The following PDE6G variants were observed in gnomAD, a reference collection of about 807,000 sequenced individuals.
PDE6G encodes the protein phosphodiesterase 6G, also known as rod cGMP 3',5'-cyclic phosphodiesterase subunit gamma.
PDE6G carries 10 observed loss-of-function variants against 10.9 expected under a neutral mutation model. The observed-to-expected ratio is 0.91, with a 90% CI of 0.56 to 1.55. PDE6G has a LOEUF of 1.55. Ranked by LOEUF, PDE6G falls within the 40% of genes most tolerant of loss-of-function variation. The pLI, the probability that PDE6G is intolerant of heterozygous loss-of-function variation, is 0.00. For synonymous variants in PDE6G, 41 were observed against 42.8 expected, an observed-to-expected ratio of 0.96 and a Z score of 0.16; for missense variants, 102 against 110.1, an observed-to-expected ratio of 0.93 and a Z score of 0.33.
intron 1 of PDE6G, among the ~76,000 whole-genome samples, chr17:81,662,103 A>C (rs1482827081): frequency 1.3e-5 from 2 of 152,040 alleles, no homozygotes; most frequent in Non-Finnish European, 2.9e-5. Flanking sequence ...TCCTTTCCTG[A>C]CCAAACCAAT....
chr17:81,654,959 A>G (rs918450082), intron 1 of PDE6G, among the ~76,000 whole-genome samples: 5 of 149,862 alleles, frequency 3.3e-5, no homozygotes, highest in Non-Finnish European at 5.9e-5. Flanking sequence ...GAGTTTCACC[A>G]TGTTAGCCAG....
At chr17:81,654,908 C>T (rs1340004818) in intron 1 of PDE6G, among the ~76,000 whole-genome samples, 2 of 151,918 alleles carry the variant, frequency 1.3e-5, no homozygotes, top group African/African-American at 2.4e-5. Flanking sequence ...ACACCACGCC[C>T]GGCTAATTTA....
At position 81,653,485 on chromosome 17, in the gene PDE6G, G is replaced by A. The variant is rs886867978; in HGVS notation, c.-59-121C>T. On this transcript the variant is annotated intron_variant, in intron 1 of 3. Coordinates refer to ENST00000331056, the MANE Select transcript of PDE6G (RefSeq NM_002602.4). The surrounding 1 kb of genome is among the most constrained non-coding windows in gnomAD (Gnocchi z 5.2). ...CGCCAGCTCCAGCGTCATCCAGACA[G>A]CAGCCCCTGCAATCCGCCCTGGGGT... 1.2e-5 allele frequency: 8 copies of A among 663,532 alleles called. No individual in the cohort carries two copies. Among genetic ancestry groups the A allele is most frequent in the Admixed American group, 1.1e-4 (4 of 36,138 alleles). The allele number at this position is 663,532 out of a possible 1,614,324, so 41.1% of individuals were successfully genotyped here.
intron 2 of PDE6G, among the ~76,000 whole-genome samples, chr17:81,652,002 T>G (rs1206663099): frequency 6.6e-6 from 1 of 152,118 alleles, no homozygotes; most frequent in African/African-American, 2.4e-5. Context: ...GGTCTGAGTG[T>G]AGATTTGTGA....
At position 81,650,974 on chromosome 17, in the gene PDE6G, C is replaced by A; in HGVS notation, c.*100G>T. The A allele has an allele frequency of 1.1e-6, 1 of 869,578 alleles. No homozygotes were observed. Among genetic ancestry groups the A allele is most frequent in the Non-Finnish European group, 2.0e-6 (1 of 509,216 alleles). The allele number at this position is 869,578 out of a possible 1,614,324, so 53.9% of individuals were successfully genotyped here. A position where few individuals can be genotyped will look rare whatever the true frequency, so the allele number is the denominator to read the frequency against. The stretch of plus-strand genomic sequence containing the variant: ...CAGTCCCATCCTGGTGTCCAGGTGC[C>A]ATCTGGGCTAGGGAGGCATCTCCTC... On this transcript the variant is annotated 3_prime_UTR_variant, in exon 4 of 4. Transcript: ENST00000331056.
chr17:81,661,538 G>A (rs897672138), upstream of PDE6G, among the ~76,000 whole-genome samples: 1 of 152,124 alleles, frequency 6.6e-6, no homozygotes, highest in Non-Finnish European at 1.5e-5. Flanking sequence ...CCAATATGGT[G>A]AAACCCCGTC....
intron 1 of PDE6G, among the ~76,000 whole-genome samples, chr17:81,662,412 C>T (rs1454497483): frequency 6.6e-6 from 1 of 152,136 alleles, no homozygotes; most frequent in Non-Finnish European, 1.5e-5. Flanking sequence ...GGCTTGAGGT[C>T]AGGAGTTGGA....
upstream of PDE6G, chr17:81,656,621 T>G (rs771714088): frequency 1.4e-6 from 1 of 720,894 alleles, no homozygotes; most frequent in African/African-American, 1.7e-5. Context: ...CTAATGAGAT[T>G]GTTGGGCCCC....
rs1291400125 is a variant in PDE6G at position 81,650,593 on chromosome 17, AT to A, written c.*480del. The A allele has an allele frequency of 2.2e-6, 1 of 454,360 alleles. No homozygotes were observed. Among genetic ancestry groups the A allele is most frequent in the Admixed American group, 2.3e-5 (1 of 42,568 alleles). The allele number at this position is 454,360 out of a possible 1,614,324, so 28.1% of individuals were successfully genotyped here. ...ACGCCCTGGAGTCCTGCTACCCAGC[AT>A]GTCCAAACTAAGGGCACCCCCCTGG... On this transcript the variant is annotated 3_prime_UTR_variant, in exon 4 of 4. Coordinates refer to ENST00000331056, the MANE Select transcript of PDE6G (RefSeq NM_002602.4).
rs779798594 is a variant in PDE6G, at chr17:81,650,573, C to T, written c.*501G>A. 8.8e-6 allele frequency: 4 copies of T among 454,154 alleles called. No homozygotes were observed. The highest frequency in any genetic ancestry group is 1.8e-5 in the Non-Finnish European group (4 of 226,878). 28.1% of individuals were successfully genotyped at this position (454,154 alleles called of 1,614,324 possible). The stretch of plus-strand genomic sequence containing the variant: ...GCCTCATCTGCTCACCGTGCACGCC[C>T]TGGAGTCCTGCTACCCAGCATGTCC... On this transcript the variant is annotated 3_prime_UTR_variant, in exon 4 of 4. Transcript: ENST00000331056.
At chr17:81,661,535 G>C (rs137983876), upstream of PDE6G, among the ~76,000 whole-genome samples, 14,895 of 152,096 alleles carry the variant, frequency 0.098, 961 homozygotes, top group Middle Eastern at 0.19. Context: ...TGGCCAATAT[G>C]GTGAAACCCC....
upstream of PDE6G, among the ~76,000 whole-genome samples, chr17:81,658,115 C>T (rs145500522): frequency 0.039 from 5,908 of 151,718 alleles, 171 homozygotes; most frequent in Middle Eastern, 0.12. Context: ...GACTGAGTCT[C>T]GCTCTGTTGC....
Position 81,651,579 on chromosome 17 carries a change from C to T in PDE6G, c.187+66G>A, listed in dbSNP as rs558623992. ...GGCCGAGGTGGGCTGCAATGGGCCCCGGGCGTGCTGGGTGTGCCTGGGGGG... is the reference window on the plus strand; with the variant it reads ...GGCCGAGGTGGGCTGCAATGGGCCCTGGGCGTGCTGGGTGTGCCTGGGGGG... On this transcript the variant is annotated intron_variant, in intron 3 of 3. Transcript: ENST00000331056. This position sits in a 1 kb window ranked among gnomAD's most constrained non-coding sequence, Gnocchi z 4.8. 27 of 1,507,950 alleles carry T rather than the reference C, an allele frequency of 1.8e-5. No individual in the cohort carries two copies. The highest frequency in any genetic ancestry group is 4.5e-5 in the East Asian group (2 of 44,382). 93.4% of individuals were successfully genotyped at this position (1,507,950 alleles called of 1,614,324 possible). A position where few individuals can be genotyped will look rare whatever the true frequency, so the allele number is the denominator to read the frequency against.
chr17:81,650,746 C>A lies in PDE6G; in HGVS notation c.*328G>T. ...CTGGGAGGAGGGGACGATCTGGGGTCCAGCAGGCTCCCGGGCTGGGGTCCA... is the reference window on the plus strand; with the variant it reads ...CTGGGAGGAGGGGACGATCTGGGGTACAGCAGGCTCCCGGGCTGGGGTCCA... On this transcript the variant is annotated 3_prime_UTR_variant, in exon 4 of 4. Coordinates refer to ENST00000331056, the MANE Select transcript of PDE6G (RefSeq NM_002602.4). The A allele has an allele frequency of 2.1e-6, 1 of 474,134 alleles. No homozygotes were observed. The highest frequency in any genetic ancestry group is 2.3e-5 in the Admixed American group (1 of 42,824). 29.4% of individuals were successfully genotyped at this position (474,134 alleles called of 1,614,324 possible). A position where few individuals can be genotyped will look rare whatever the true frequency, so the allele number is the denominator to read the frequency against.
intron 1 of PDE6G, among the ~76,000 whole-genome samples, chr17:81,654,779 G>A (rs1010408939): frequency 3.4e-5 from 5 of 147,522 alleles, no homozygotes; most frequent in African/African-American, 7.5e-5. Flanking sequence ...ACGGAGTCTC[G>A]CTCTGTTGCC....
At position 81,651,530 on chromosome 17, in the gene PDE6G, T is replaced by A; in HGVS notation, c.187+115A>T. 3 of 891,648 alleles carry A rather than the reference T, an allele frequency of 3.4e-6. No homozygotes were observed. Among genetic ancestry groups the A allele is most frequent in the Non-Finnish European group, 5.6e-6 (3 of 539,252 alleles). 55.2% of individuals were successfully genotyped at this position (891,648 alleles called of 1,614,324 possible). A position where few individuals can be genotyped will look rare whatever the true frequency, so the allele number is the denominator to read the frequency against. On this transcript the variant is annotated intron_variant, in intron 3 of 3. Coordinates refer to ENST00000331056, the MANE Select transcript of PDE6G (RefSeq NM_002602.4). This position sits in a 1 kb window ranked among gnomAD's most constrained non-coding sequence, Gnocchi z 4.8. Reference sequence around the variant, plus strand: ...AAGTGATGGACAGGCTGGGGGTCCCTAAGTGAAAAGCAGGGGAGGTGGGGG... The same window carrying A: ...AAGTGATGGACAGGCTGGGGGTCCCAAAGTGAAAAGCAGGGGAGGTGGGGG...
Position 81,653,272 on chromosome 17 carries a change from A to G in PDE6G, c.34T>C (p.Ser12Pro). ...NLEPPKAEFR[S>P]ATRVAGGPVT... ...GGTCCCCCGGCCACCCTGGTGGCTG[A>G]CCGGAACTCAGCCTTGGGCGGTTCC... The change falls in exon 2 of 4, where the codon TCA (serine) becomes CCA (proline). Residue 12 changes from serine (S) to proline (P), a missense_variant. By Grantham distance (74) the Ser-to-Pro change is moderately conservative. Coordinates refer to ENST00000331056, the MANE Select transcript of PDE6G (RefSeq NM_002602.4). The surrounding 1 kb of genome is among the most constrained non-coding windows in gnomAD (Gnocchi z 5.2). 1 of 1,613,964 alleles carries G rather than the reference A, an allele frequency of 6.2e-7. No individual in the cohort carries two copies. Among genetic ancestry groups the G allele is most frequent in the Non-Finnish European group, 8.5e-7 (1 of 1,179,980 alleles).
At position 81,653,802 on chromosome 17, in the gene PDE6G, GT is replaced by G. The variant is rs1034076776; in HGVS notation, c.-59-439del. 6.7e-5 allele frequency: 11 copies of G among 163,300 alleles called. No individual in the cohort carries two copies. Among genetic ancestry groups the G allele is most frequent in the South Asian group, 3.2e-4 (2 of 6,158 alleles). The allele number at this position is 163,300 out of a possible 1,614,324, so 10.1% of individuals were successfully genotyped here. A position where few individuals can be genotyped will look rare whatever the true frequency, so the allele number is the denominator to read the frequency against. The stretch of plus-strand genomic sequence containing the variant: ...CGTCGGCATTTAACTGCTACTCTGG[GT>G]TTTTTTTTGTTTTGTTTTGTTTTTG... On this transcript the variant is annotated intron_variant, in intron 1 of 3. Coordinates refer to ENST00000331056, the MANE Select transcript of PDE6G (RefSeq NM_002602.4). This position sits in a 1 kb window ranked among gnomAD's most constrained non-coding sequence, Gnocchi z 5.2.
intron 2 of PDE6G, among the ~76,000 whole-genome samples, chr17:81,652,468 A>G (rs369473440): frequency 7.9e-5 from 12 of 151,336 alleles, no homozygotes; most frequent in East Asian, 3.9e-4. Flanking sequence ...TAGTAGAGAC[A>G]GGGTTTCACC....
Sources: allele counts gnomAD v4.1 joint callset (sites outside exome capture counted in the v4.1 genomes callset), GRCh38; gene constraint gnomAD v4.1.1; non-coding constraint Gnocchi (gnomAD v3.1); transcripts MANE v1.5; gene names NCBI Gene and HGNC (gene_info 2026-07-23, HGNC 2026-07-21).